CA10: variants seen among roughly 807,000 people sequenced by gnomAD.
CA10 encodes carbonic anhydrase-related protein 10.
Under a neutral mutation model 44.2 loss-of-function variants are expected in CA10, and 14 were observed. That is an observed-to-expected ratio of 0.32 (90% CI 0.21 to 0.50). The LOEUF is 0.50. Ranked by LOEUF, CA10 falls within the 20% of genes least tolerant of loss-of-function variation. CA10 has a pLI of 0.99. For missense variants in CA10, 350 were observed against 409.7 expected, an observed-to-expected ratio of 0.85 and a Z score of 1.26; for synonymous variants, 159 against 141.6, an observed-to-expected ratio of 1.12 and a Z score of -0.87.
At chr17:51,923,546 G>A (rs774484973) in intron 3 of CA10, among the ~76,000 whole-genome samples, 3 of 151,982 alleles carry the variant, frequency 2.0e-5, no homozygotes, top group Non-Finnish European at 2.9e-5. Flanking sequence ...CAAATATATC[G>A]TAAATTTTTT....
intron 3 of CA10, among the ~76,000 whole-genome samples, chr17:51,829,646 G>A (rs907521506): frequency 6.6e-6 from 1 of 152,202 alleles, no homozygotes; most frequent in East Asian, 1.9e-4. Flanking sequence ...TGTGCTAGAT[G>A]CCTTCTTTAG....
At chr17:51,764,026 T>TAA (rs200571580) in intron 3 of CA10, among the ~76,000 whole-genome samples, 21 of 127,820 alleles carry the variant, frequency 1.6e-4, no homozygotes, top group African/African-American at 5.0e-4. Context: ...ACCATGAAAG[T>TAA]AAAAAAAAAA....
chr17:51,811,754 A>G (rs969317560), intron 3 of CA10, among the ~76,000 whole-genome samples: 24 of 152,198 alleles, frequency 1.6e-4, no homozygotes, highest in Admixed American at 3.3e-4. Flanking sequence ...ATATGTGTGC[A>G]TGTGTCTTTA....
At chr17:52,104,689 C>A (rs183681205) in intron 1 of CA10, among the ~76,000 whole-genome samples, 1 of 152,126 alleles carries the variant, frequency 6.6e-6, no homozygotes, top group Non-Finnish European at 1.5e-5. Flanking sequence ...CTGGACTCCA[C>A]GGCACAACAA....
intron 1 of CA10, among the ~76,000 whole-genome samples, chr17:52,142,552 C>T (rs551546739): frequency 2.0e-5 from 3 of 151,956 alleles, no homozygotes; most frequent in East Asian, 3.9e-4. Flanking sequence ...TGATGTTTTA[C>T]AACAGAAATG....
intron 6 of CA10, 143 bp downstream of exon 6, chr17:51,649,039 A>C (rs1913451651): frequency 1.6e-6 from 1 of 616,634 alleles, no homozygotes; most frequent in Non-Finnish European, 2.9e-6. Context: ...GCCAAACCCT[A>C]ATCTCCAGAG....
intron 1 of CA10, among the ~76,000 whole-genome samples, chr17:52,108,503 C>G (rs1041333883): frequency 4.6e-5 from 7 of 151,348 alleles, no homozygotes; most frequent in African/African-American, 1.7e-4. Flanking sequence ...TCGAGACCAG[C>G]CTGACCAACA....
At chr17:52,048,446 G>A (rs1035681564) in intron 2 of CA10, among the ~76,000 whole-genome samples, 1 of 152,012 alleles carries the variant, frequency 6.6e-6, no homozygotes, top group Non-Finnish European at 1.5e-5. Context: ...CAAATTACTT[G>A]CCCTCTAGGA....
At chr17:52,042,222 A>C (rs1392828605) in intron 2 of CA10, among the ~76,000 whole-genome samples, 1 of 152,016 alleles carries the variant, frequency 6.6e-6, no homozygotes, top group Non-Finnish European at 1.5e-5. Context: ...ACGGTGTATA[A>C]GGGTTCACTT....
intron 7 of CA10, among the ~76,000 whole-genome samples, chr17:51,635,173 G>A (rs1912769724): frequency 1.3e-5 from 2 of 152,170 alleles, no homozygotes; most frequent in South Asian, 4.1e-4. Flanking sequence ...ATAAAAAGGG[G>A]AAATTTGGAC....
chr17:51,692,907 C>T (rs1915267388), intron 4 of CA10, among the ~76,000 whole-genome samples: 1 of 152,190 alleles, frequency 6.6e-6, no homozygotes, highest in African/African-American at 2.4e-5. Flanking sequence ...CCACGACCAG[C>T]TTCAACTTGT....
intron 3 of CA10, among the ~76,000 whole-genome samples, chr17:51,814,975 G>C (rs1031337009): frequency 6.6e-6 from 1 of 152,146 alleles, no homozygotes. Flanking sequence ...TTCAGGGAAA[G>C]GTGTAGTGAA....
chr17:51,989,631 A>G (rs887361720), intron 2 of CA10, among the ~76,000 whole-genome samples: 1 of 152,106 alleles, frequency 6.6e-6, no homozygotes, highest in Admixed American at 6.6e-5. Flanking sequence ...GTAAAAAAGA[A>G]TGAGATCATG....
intron 4 of CA10, among the ~76,000 whole-genome samples, chr17:51,688,488 T>A (rs1915081186): frequency 6.6e-6 from 1 of 152,244 alleles, no homozygotes; most frequent in Admixed American, 6.5e-5. Flanking sequence ...AAGCTTTAGC[T>A]TTCTTGTCTA....
chr17:51,920,138 T>A (rs1221504550), intron 3 of CA10, among the ~76,000 whole-genome samples: 1 of 152,220 alleles, frequency 6.6e-6, no homozygotes, highest in Admixed American at 6.5e-5. Flanking sequence ...TACTCAGTTC[T>A]GGGATAACTT....
intron 3 of CA10, among the ~76,000 whole-genome samples, chr17:51,824,689 A>G (rs1364311643): frequency 6.6e-6 from 1 of 152,216 alleles, no homozygotes; most frequent in African/African-American, 2.4e-5. Context: ...AATCATAGTT[A>G]TGCGTTGAAT....
At chr17:52,068,558 CT>C (rs1449486019) in intron 2 of CA10, among the ~76,000 whole-genome samples, 1 of 152,220 alleles carries the variant, frequency 6.6e-6, no homozygotes. Context: ...AACTTCCTTT[CT>C]TCCTTTAGCC....
At chr17:51,758,353 G>A (rs2032117308) in intron 3 of CA10, among the ~76,000 whole-genome samples, 1 of 152,242 alleles carries the variant, frequency 6.6e-6, no homozygotes, top group South Asian at 2.1e-4. Flanking sequence ...TTGCAGTGAA[G>A]CATCTCTTCA....
chr17:51,903,901 T>G (rs1035442481), intron 3 of CA10, among the ~76,000 whole-genome samples: 1 of 151,880 alleles, frequency 6.6e-6, no homozygotes, highest in African/African-American at 2.4e-5. Flanking sequence ...TGGGAGAAAA[T>G]TTTCTGGGTT....
Sources: allele counts gnomAD v4.1 joint callset (sites outside exome capture counted in the v4.1 genomes callset), GRCh38; gene constraint gnomAD v4.1.1; transcripts MANE v1.5; gene names NCBI Gene and HGNC (gene_info 2026-07-23, HGNC 2026-07-21).